NALCN: variants seen among roughly 807,000 people sequenced by gnomAD.
NALCN encodes the protein sodium leak channel NALCN.
NALCN carries 111 observed loss-of-function variants against 225.3 expected under a neutral mutation model. The ratio of observed to expected loss-of-function variants is 0.49; its 90% confidence interval spans 0.42 to 0.58. The LOEUF is 0.58. NALCN is among the 20% of genes least tolerant of loss of function. The probability of loss-of-function intolerance (pLI) is 0.00; values close to 1 mark genes in which losing one functional copy is unlikely to be tolerated. For synonymous variants in NALCN, 764 were observed against 769.0 expected, an observed-to-expected ratio of 0.99 and a Z score of 0.11; for missense variants, 1,378 against 2,202.4, an observed-to-expected ratio of 0.63 and a Z score of 7.49.
chr13:101,134,857 T>C (rs2036693015), intron 17 of NALCN, among the ~76,000 whole-genome samples: 1 of 152,194 alleles, frequency 6.6e-6, no homozygotes, highest in Non-Finnish European at 1.5e-5. Context: ...CTTCGAGTAC[T>C]GAAACAAATT....
intron 15 of NALCN, among the ~76,000 whole-genome samples, chr13:101,149,259 C>G (rs1041180851): frequency 1.8e-4 from 27 of 149,850 alleles, no homozygotes; most frequent in South Asian, 4.3e-4. Flanking sequence ...TGCCACTGCA[C>G]TCCAGCCTGG....
At chr13:101,106,774 A>G (rs1225678112) in intron 22 of NALCN, among the ~76,000 whole-genome samples, 1 of 152,174 alleles carries the variant, frequency 6.6e-6, no homozygotes, top group Non-Finnish European at 1.5e-5. Flanking sequence ...AGGCTTCCCC[A>G]GCCACTTGGA....
intron 3 of NALCN, 133 bp from the exon 4 acceptor site, chr13:101,378,786 C>T (rs1394182619): frequency 1.3e-5 from 8 of 608,716 alleles, no homozygotes; most frequent in Middle Eastern, 4.0e-4. Context: ...CAGACTTTCA[C>T]AAGGAATAAG....
intron 13 of NALCN, among the ~76,000 whole-genome samples, chr13:101,201,153 T>G (rs2040104950): frequency 6.6e-6 from 1 of 151,990 alleles, no homozygotes; most frequent in African/African-American, 2.4e-5. Context: ...TCTATACTAT[T>G]TTTTTTGACT....
intron 10 of NALCN, among the ~76,000 whole-genome samples, chr13:101,277,798 C>A (rs1330317227): frequency 6.6e-6 from 1 of 152,066 alleles, no homozygotes; most frequent in Non-Finnish European, 1.5e-5. Context: ...TGTATGAATT[C>A]TTGGGTAGGT....
chr13:101,156,576 T>C (rs2037912943), intron 15 of NALCN, among the ~76,000 whole-genome samples: 1 of 152,086 alleles, frequency 6.6e-6, no homozygotes, highest in African/African-American at 2.4e-5. Flanking sequence ...TCCTCTCTCT[T>C]AAAATAAGCT....
chr13:101,391,604 T>A lies in NALCN; in HGVS notation c.291+3579A>T, dbSNP rs4772374. Among the ~76,000 whole-genome samples, 544 of 151,948 alleles carry A rather than the reference T, an allele frequency of 3.6e-3. 1 individual carries two copies. The highest frequency in any genetic ancestry group is 6.8e-3 in the Middle Eastern group (2 of 292). On this transcript the variant is annotated intron_variant, in intron 3 of 43. Transcript: ENST00000251127. ...GAGGATGAGGTGGGAGATCTCTTGA[T>A]CCCAAGAGCTGGAGGTTGCAGTGAG...
At position 101,107,479 on chromosome 13, in the gene NALCN, G is replaced by C. The variant is rs202032714; in HGVS notation, c.2579+8C>G. On this transcript the variant is annotated splice_region_variant and intron_variant, in intron 22 of 43. Transcript: ENST00000251127. ...GCCAAACACCTGGCTGAAATGAAGT[G>C]TACTTACGCGTTGAAGCGTGCTCGG... is the stretch of plus-strand genomic sequence containing the variant. 7.9e-5 allele frequency: 127 copies of C among 1,613,980 alleles called. No individual in the cohort carries two copies. The East Asian group carries it at 8.2e-4, about 10-fold the overall frequency.
intron 10 of NALCN, among the ~76,000 whole-genome samples, chr13:101,273,168 G>T (rs1051414240): frequency 1.3e-5 from 2 of 152,180 alleles, no homozygotes; most frequent in African/African-American, 4.8e-5. Context: ...TCAAAAGTGT[G>T]CAGCCACATC....
At chr13:101,095,713 C>G in intron 27 of NALCN, 33 bp from the exon 28 acceptor site, 1 of 1,531,508 alleles carries the variant, frequency 6.5e-7, no homozygotes, top group Middle Eastern at 1.7e-4. Flanking sequence ...GAGGGGAAAC[C>G]TGGTCAGAAA....
At chr13:101,417,173 G>A (rs1566671267), upstream of NALCN, among the ~76,000 whole-genome samples, 1 of 152,106 alleles carries the variant, frequency 6.6e-6, no homozygotes, top group Admixed American at 6.5e-5. Flanking sequence ...CAGGTTTAGG[G>A]AAATCTGGCC....
chr13:101,285,860 A>G (rs1328762770), intron 9 of NALCN, among the ~76,000 whole-genome samples: 1 of 152,176 alleles, frequency 6.6e-6, no homozygotes, highest in African/African-American at 2.4e-5. Context: ...ATTGCCAGTC[A>G]CCAGTTATTA....
chr13:101,337,138 T>A (rs1298586733), intron 7 of NALCN, among the ~76,000 whole-genome samples: 1 of 152,138 alleles, frequency 6.6e-6, no homozygotes, highest in African/African-American at 2.4e-5. Context: ...TATTCTTTCA[T>A]TCAACTAACA....
chr13:101,332,039 G>A (rs887769155), intron 7 of NALCN, among the ~76,000 whole-genome samples: 2 of 152,072 alleles, frequency 1.3e-5, no homozygotes, highest in African/African-American at 2.4e-5. Context: ...AACTGAACCC[G>A]CCCATTGTGT....
chr13:101,395,107 C>A, intron 3 of NALCN, 76 bp downstream of exon 3: 2 of 1,401,122 alleles, frequency 1.4e-6, no homozygotes, highest in Non-Finnish European at 9.5e-7. Flanking sequence ...CTGAAATGAA[C>A]AAGAAAATAT....
At chr13:101,075,274 G>A (rs2033176839) in intron 35 of NALCN, among the ~76,000 whole-genome samples, 1 of 151,946 alleles carries the variant, frequency 6.6e-6, no homozygotes, top group Admixed American at 6.6e-5. Flanking sequence ...GGCTAACGTG[G>A]TGAAACCCTG....
chr13:101,246,738 AGATT>A (rs1188761201), intron 11 of NALCN, among the ~76,000 whole-genome samples: 5 of 152,230 alleles, frequency 3.3e-5, no homozygotes, highest in Non-Finnish European at 7.3e-5. Context: ...TGCTATGGCA[AGATT>A]GATTATTTTC....
chr13:101,094,431 A>G (rs2034396323), intron 28 of NALCN, among the ~76,000 whole-genome samples: 1 of 152,162 alleles, frequency 6.6e-6, no homozygotes, highest in Non-Finnish European at 1.5e-5. Context: ...GACTACATTT[A>G]CTTCCATGAT....
At chr13:101,332,324 A>G (rs941985949) in intron 7 of NALCN, among the ~76,000 whole-genome samples, 11 of 150,704 alleles carry the variant, frequency 7.3e-5, no homozygotes, top group Non-Finnish European at 1.3e-4. Context: ...ACCATAAGAC[A>G]GCAAAGACAA....
Sources: gnomAD v4.1 joint callset for allele counts (sites outside exome capture counted in the v4.1 genomes callset) on GRCh38, gnomAD v4.1.1 for gene constraint, MANE v1.5 for transcripts, NCBI Gene and HGNC (gene_info 2026-07-23, HGNC 2026-07-21) for gene names.